The following PCYT1B variants were observed in gnomAD, a reference collection of about 807,000 sequenced individuals.
PCYT1B encodes phosphate cytidylyltransferase 1B, choline.
PCYT1B carries 10 observed loss-of-function variants against 26.4 expected under a neutral mutation model. That is an observed-to-expected ratio of 0.38 (90% CI 0.23 to 0.64). The LOEUF (loss-of-function observed/expected upper bound fraction) is 0.64. Ranked by LOEUF, PCYT1B falls within the 30% of genes least tolerant of loss-of-function variation. PCYT1B has a pLI of 0.56. For synonymous variants in PCYT1B, 131 were observed against 108.4 expected, an observed-to-expected ratio of 1.21 and a Z score of -1.29; for missense variants, 161 against 292.7, an observed-to-expected ratio of 0.55 and a Z score of 3.28.
intron 1 of PCYT1B, among the ~76,000 whole-genome samples, chrX:24,646,025 C>A (rs1364528646): frequency 8.9e-6 from 1 of 111,894 alleles, no homozygotes; most frequent in African/African-American, 3.3e-5. Flanking sequence ...TCAAAATATT[C>A]CACCTTTTAA....
intron 1 of PCYT1B, among the ~76,000 whole-genome samples, chrX:24,667,514 T>C (rs1480374765): frequency 9.0e-6 from 1 of 110,810 alleles, no homozygotes; most frequent in Non-Finnish European, 1.9e-5. Flanking sequence ...GTCAGGAGTT[T>C]GAGACCAGCC....
At chrX:24,591,470 C>T (rs1347065847) in intron 3 of PCYT1B, among the ~76,000 whole-genome samples, 3 of 110,827 alleles carry the variant, frequency 2.7e-5, no homozygotes, top group African/African-American at 9.9e-5. Flanking sequence ...GTCACCCAGG[C>T]TGGAGTTCAG....
intron 1 of PCYT1B, among the ~76,000 whole-genome samples, chrX:24,653,832 G>T (rs1020991697): frequency 9.3e-6 from 1 of 107,673 alleles, no homozygotes; most frequent in Non-Finnish European, 1.9e-5. Context: ...TTGGCTCACT[G>T]CAACTTCTGC....
In PCYT1B at chrX:24,619,167, G is replaced by A. The variant is rs780594473; in HGVS notation, c.118-83C>T. The stretch of plus-strand genomic sequence containing the variant: ...TTCCTCTGAAGTTTTATTCCTGTTG[G>A]CTACACAGGTATGATTAAGAAGTCA... On this transcript the variant is annotated intron_variant, in intron 1 of 7. Transcript: ENST00000379144. 13 of 645,987 alleles carry A rather than the reference G, an allele frequency of 2.0e-5. No homozygotes were observed. In the South Asian group the frequency reaches 2.1e-4, roughly 10 times the overall value. 53.2% of individuals were successfully genotyped at this position (645,987 alleles called of 1,213,427 possible). A position where few individuals can be genotyped will look rare whatever the true frequency, so the allele number is the denominator to read the frequency against.
chrX:24,578,922 T>C (rs1358104121), intron 6 of PCYT1B, among the ~76,000 whole-genome samples: 2 of 111,805 alleles, frequency 1.8e-5, no homozygotes, highest in Non-Finnish European at 3.8e-5. Context: ...ACTGGTTTTG[T>C]CATCTGTAAA....
intron 1 of PCYT1B, among the ~76,000 whole-genome samples, chrX:24,667,769 A>G (rs986082949): frequency 1.8e-5 from 2 of 111,839 alleles, no homozygotes; most frequent in African/African-American, 6.5e-5. Flanking sequence ...GTGGCTTTTA[A>G]AAAATGTTCA....
intron 6 of PCYT1B, among the ~76,000 whole-genome samples, chrX:24,576,964 A>G (rs1323495731): frequency 8.9e-6 from 1 of 112,005 alleles, no homozygotes; most frequent in African/African-American, 3.2e-5. Context: ...TGTTGCCTTT[A>G]TATCATTCTT....
At chrX:24,625,091 T>C in intron 1 of PCYT1B, among the ~76,000 whole-genome samples, 1 of 112,030 alleles carries the variant, frequency 8.9e-6, no homozygotes, top group Non-Finnish European at 1.9e-5. Context: ...GTTATAACCA[T>C]CTCAAGAATG....
At chrX:24,585,617 T>C (rs1216684488) in intron 5 of PCYT1B, among the ~76,000 whole-genome samples, 1 of 110,952 alleles carries the variant, frequency 9.0e-6, no homozygotes, top group Non-Finnish European at 1.9e-5. Flanking sequence ...GTGGGGCTGA[T>C]GGCTAAGCAG....
At chrX:24,563,538 C>G (rs2148216786) in intron 7 of PCYT1B, among the ~76,000 whole-genome samples, 1 of 111,658 alleles carries the variant, frequency 9.0e-6, no homozygotes, top group East Asian at 2.9e-4. Flanking sequence ...CCAGAGAAGG[C>G]ACAGAGGGCT....
At chrX:24,583,323 C>G (rs759401920) in intron 5 of PCYT1B, among the ~76,000 whole-genome samples, 2 of 111,712 alleles carry the variant, frequency 1.8e-5, no homozygotes, top group South Asian at 7.6e-4. Flanking sequence ...TAGCCAGCAT[C>G]CAAGGCCAGC....
chrX:24,582,170 T>C (rs1200584910), intron 5 of PCYT1B, among the ~76,000 whole-genome samples: 1 of 112,611 alleles, frequency 8.9e-6, no homozygotes, highest in East Asian at 2.8e-4. Flanking sequence ...AACATTCTGG[T>C]GAGAAATCCA....
At chrX:24,608,464 C>T (rs1296585102) in intron 2 of PCYT1B, among the ~76,000 whole-genome samples, 1 of 111,833 alleles carries the variant, frequency 8.9e-6, no homozygotes, top group African/African-American at 3.2e-5. Flanking sequence ...CATACCACTG[C>T]AAGGCCACTC....
intron 1 of PCYT1B, among the ~76,000 whole-genome samples, chrX:24,663,517 T>A (rs1287803261): frequency 8.9e-6 from 1 of 112,698 alleles, no homozygotes; most frequent in Non-Finnish European, 1.9e-5. Flanking sequence ...GCCCTTCTTG[T>A]TATCTGGACA....
rs1235466827 is a variant in PCYT1B at position 24,558,927 on chromosome X, A to G, written c.*3366T>C. The G allele has an allele frequency of 1.8e-5, 2 of 110,623 alleles. No individual in the cohort carries two copies. The highest frequency in any genetic ancestry group is 3.8e-5 in the Non-Finnish European group (2 of 52,931). 9.1% of individuals were successfully genotyped at this position (110,623 alleles called of 1,213,427 possible). On this transcript the variant is annotated 3_prime_UTR_variant, in exon 8 of 8. Coordinates refer to ENST00000379144, the MANE Select transcript of PCYT1B (RefSeq NM_004845.5). ...AAATGAAGCAACCAGAGAGGCAGGG[A>G]CCCCATATCCTGCATGGGCATTTGC...
intron 3 of PCYT1B, among the ~76,000 whole-genome samples, chrX:24,593,465 CTTTTCTTTTCTTTTCTTTTCTTTT>C (rs1924660243): frequency 7.8e-5 from 1 of 12,837 alleles, no homozygotes; most frequent in Admixed American, 1.1e-3. Flanking sequence ...CTTTTCTTTT[CTTTTCTTTTCTTTTCTTTTCTTTT>C]CTTTTCTTTT....
At chrX:24,630,562 T>TGG (rs1926047725) in intron 1 of PCYT1B, among the ~76,000 whole-genome samples, 1 of 112,408 alleles carries the variant, frequency 8.9e-6, no homozygotes. Flanking sequence ...CCCAAAGTGC[T>TGG]GGGATTACAG....
At chrX:24,593,329 TTTTCTTTC>T (rs200715279) in intron 3 of PCYT1B, among the ~76,000 whole-genome samples, 1 of 110,110 alleles carries the variant, frequency 9.1e-6, no homozygotes, top group Non-Finnish European at 1.9e-5. Context: ...CTTCTTTTTC[TTTTCTTTC>T]TTTCTTTCTT....
chrX:24,573,972 G>T (rs1158575454), intron 7 of PCYT1B, among the ~76,000 whole-genome samples: 1 of 111,087 alleles, frequency 9.0e-6, no homozygotes. Flanking sequence ...CTTAGAGGCT[G>T]CCAGGTGTTA....
Sources: allele counts gnomAD v4.1 joint callset (sites outside exome capture counted in the v4.1 genomes callset), GRCh38; gene constraint gnomAD v4.1.1; transcripts MANE v1.5; gene names NCBI Gene and HGNC (gene_info 2026-07-23, HGNC 2026-07-21).